Variants in HMGCLL1 observed in about 807,000 individuals in gnomAD.
The protein encoded by HMGCLL1 is 3-hydroxymethyl-3-methylglutaryl-CoA lyase, cytoplasmic.
A neutral mutation model predicts 39.1 loss-of-function variants in HMGCLL1; 36 were observed. The ratio of observed to expected loss-of-function variants is 0.92; its 90% confidence interval spans 0.71 to 1.22. The LOEUF (loss-of-function observed/expected upper bound fraction) is 1.22, where lower values mean the gene tolerates loss of function less well. Ranked by LOEUF, HMGCLL1 falls within the 50% of genes most tolerant of loss-of-function variation. HMGCLL1 has a pLI of 0.00. For missense variants in HMGCLL1, 451 were observed against 416.5 expected, an observed-to-expected ratio of 1.08 and a Z score of -0.72; for synonymous variants, 149 against 144.0, an observed-to-expected ratio of 1.03 and a Z score of -0.25.
At chr6:55,435,877 A>G (rs1403804076) in intron 8 of HMGCLL1, 114 bp from the exon 9 acceptor site, 1 of 491,512 alleles carries the variant, frequency 2.0e-6, no homozygotes, top group Non-Finnish European at 3.6e-6. Context: ...ATTACTAAAC[A>G]AAGTGGTGTT....
chr6:55,514,768 T>C (rs1392925122), intron 4 of HMGCLL1, among the ~76,000 whole-genome samples: 3 of 152,214 alleles, frequency 2.0e-5, no homozygotes, highest in Non-Finnish European at 4.4e-5. Flanking sequence ...TGTCAGTCTT[T>C]AAATGCAAAA....
chr6:55,455,799 T>C (rs1311524314), intron 7 of HMGCLL1, among the ~76,000 whole-genome samples: 1 of 152,206 alleles, frequency 6.6e-6, no homozygotes, highest in East Asian at 1.9e-4. Flanking sequence ...ATCTAAAGGT[T>C]GCAGAAGGAA....
chr6:55,472,840 A>C (rs1765106675), intron 7 of HMGCLL1, among the ~76,000 whole-genome samples: 1 of 151,410 alleles, frequency 6.6e-6, no homozygotes, highest in Non-Finnish European at 1.5e-5. Flanking sequence ...CAATTACCAA[A>C]AGAAGTATGT....
At chr6:55,540,795 A>C (rs987189051) in intron 3 of HMGCLL1, among the ~76,000 whole-genome samples, 1 of 152,140 alleles carries the variant, frequency 6.6e-6, no homozygotes, top group Non-Finnish European at 1.5e-5. Flanking sequence ...CATCCACCTG[A>C]AGTTTATCAG....
At chr6:55,515,954 G>T (rs980693065) in intron 4 of HMGCLL1, among the ~76,000 whole-genome samples, 13 of 151,900 alleles carry the variant, frequency 8.6e-5, no homozygotes, top group African/African-American at 2.7e-4. Context: ...AATTGAAGAG[G>T]ATAGTCTCAT....
At chr6:55,459,948 T>A (rs1480654492) in intron 7 of HMGCLL1, among the ~76,000 whole-genome samples, 1 of 152,032 alleles carries the variant, frequency 6.6e-6, no homozygotes, top group Non-Finnish European at 1.5e-5. Flanking sequence ...AACTTTGAAT[T>A]GTCATTTTAG....
chr6:55,648,512 A>C, the HMGCLL1 span, among the ~76,000 whole-genome samples: 1 of 87,322 alleles, frequency 1.1e-5, no homozygotes, highest in Non-Finnish European at 2.2e-5. Flanking sequence ...AAATAGACAC[A>C]ATAAAAAATG....
chr6:55,465,992 G>C (rs1190119579), intron 7 of HMGCLL1, among the ~76,000 whole-genome samples: 2 of 151,950 alleles, frequency 1.3e-5, no homozygotes, highest in African/African-American at 4.8e-5. Flanking sequence ...ACTAATAGAA[G>C]TTAACAATTT....
the HMGCLL1 span, among the ~76,000 whole-genome samples, chr6:55,667,588 G>A: frequency 1.3e-5 from 2 of 151,782 alleles, no homozygotes; most frequent in East Asian, 3.9e-4. Flanking sequence ...AAATACTTCA[G>A]AGGGAAAGAA....
At chr6:55,508,298 G>A (rs1767268418) in intron 5 of HMGCLL1, among the ~76,000 whole-genome samples, 1 of 151,662 alleles carries the variant, frequency 6.6e-6, no homozygotes. Flanking sequence ...TATTTCCAAG[G>A]TAAAGCTCTG....
At chr6:55,557,588 T>C (rs1770741166) in intron 1 of HMGCLL1, among the ~76,000 whole-genome samples, 1 of 152,124 alleles carries the variant, frequency 6.6e-6, no homozygotes, top group Admixed American at 6.5e-5. Flanking sequence ...ATACTTTCCT[T>C]TCCAGGTGAC....
chr6:55,676,101 C>T, the HMGCLL1 span, among the ~76,000 whole-genome samples: 3 of 152,146 alleles, frequency 2.0e-5, no homozygotes, highest in Non-Finnish European at 4.4e-5. Context: ...AAGCACACTA[C>T]ATATTTTTAG....
chr6:55,505,969 C>T (rs1488933320), intron 5 of HMGCLL1, among the ~76,000 whole-genome samples: 1 of 151,660 alleles, frequency 6.6e-6, no homozygotes, highest in African/African-American at 2.4e-5. Context: ...CACAATAAAT[C>T]CATTTCACCA....
the HMGCLL1 span, among the ~76,000 whole-genome samples, chr6:55,668,842 T>C: frequency 6.6e-6 from 1 of 151,800 alleles, no homozygotes; most frequent in Non-Finnish European, 1.5e-5. Context: ...GGCAATTCAC[T>C]GGTACCACAG....
intron 3 of HMGCLL1, among the ~76,000 whole-genome samples, chr6:55,525,285 T>C (rs981518822): frequency 1.3e-5 from 2 of 151,954 alleles, no homozygotes; most frequent in African/African-American, 4.8e-5. Flanking sequence ...GTTTAGGCTC[T>C]AAAACAGAGT....
the HMGCLL1 span, among the ~76,000 whole-genome samples, chr6:55,658,683 T>A: frequency 6.6e-6 from 1 of 152,000 alleles, no homozygotes; most frequent in Non-Finnish European, 1.5e-5. Context: ...CTAAATCATT[T>A]CTTTATTCAA....
At chr6:55,447,534 C>G (rs985841136) in intron 7 of HMGCLL1, among the ~76,000 whole-genome samples, 2 of 151,806 alleles carry the variant, frequency 1.3e-5, no homozygotes, top group Admixed American at 6.6e-5. Context: ...TCTACCTTCA[C>G]TGGACATATT....
At chr6:55,445,682 C>CTG (rs1581788230) in intron 7 of HMGCLL1, among the ~76,000 whole-genome samples, 2 of 151,654 alleles carry the variant, frequency 1.3e-5, no homozygotes, top group African/African-American at 2.4e-5. Context: ...GACTGTATGT[C>CTG]TGTGTGTGTG....
intron 1 of HMGCLL1, among the ~76,000 whole-genome samples, chr6:55,560,595 T>G (rs547837022): frequency 6.6e-6 from 1 of 152,238 alleles, no homozygotes; most frequent in African/African-American, 2.4e-5. Context: ...ACACCTTCAT[T>G]TAATCGCCTC....
Sources: allele counts gnomAD v4.1 joint callset (sites outside exome capture counted in the v4.1 genomes callset), GRCh38; gene constraint gnomAD v4.1.1; transcripts MANE v1.5; gene names NCBI Gene and HGNC (gene_info 2026-07-23, HGNC 2026-07-21).